EBF1: variants seen among roughly 807,000 people sequenced by gnomAD.
EBF1 encodes the protein EBF transcription factor 1.
In EBF1, 10 loss-of-function variants were observed where a neutral mutation model predicts 68.4. The observed-to-expected ratio is 0.15, with a 90% CI of 0.09 to 0.25. EBF1 has a LOEUF of 0.25. Ranked by LOEUF, EBF1 falls within the 10% of genes least tolerant of loss-of-function variation. The pLI, the probability that EBF1 is intolerant of heterozygous loss-of-function variation, is 1.00. For synonymous variants in EBF1, 298 were observed against 299.8 expected (o/e 0.99, Z 0.06); for missense variants, 509 against 794.4 (o/e 0.64, Z 4.32).
chr5:158,831,500 G>A (rs1474210197), intron 7 of EBF1, among the ~76,000 whole-genome samples: 1 of 152,114 alleles, frequency 6.6e-6, no homozygotes, highest in Non-Finnish European at 1.5e-5. Context: ...TGGGGACAGA[G>A]AGAGAGTCAG....
rs184056452 is a variant in EBF1 at position 158,856,891 on chromosome 5, C to A, written c.555-16781G>T. On this transcript the variant is annotated intron_variant, in intron 6 of 15. Transcript: ENST00000313708. ...TACCACTGTAGGGTACAGCAATATG[C>A]CTGCACTGGCAGCTACCATATTTCC... Among the ~76,000 whole-genome samples, 42 of 152,290 alleles carry A rather than the reference C, an allele frequency of 2.8e-4. 2 individuals are homozygous for A. Among genetic ancestry groups the A allele is most frequent in the Admixed American group, 2.7e-3 (41 of 15,302 alleles).
intron 6 of EBF1, among the ~76,000 whole-genome samples, chr5:158,901,128 T>G (rs1562254818): frequency 6.6e-6 from 1 of 152,242 alleles, no homozygotes; most frequent in Non-Finnish European, 1.5e-5. Flanking sequence ...ATCTTCCTTG[T>G]TAACTTCTAC....
At chr5:159,094,185 A>AC (rs1782161395) in intron 4 of EBF1, among the ~76,000 whole-genome samples, 1 of 147,240 alleles carries the variant, frequency 6.8e-6, no homozygotes, top group Non-Finnish European at 1.5e-5. Flanking sequence ...AAAAAAAAAA[A>AC]AAAAAAAAAC....
At chr5:158,748,623 T>C (rs1768104561) in intron 10 of EBF1, among the ~76,000 whole-genome samples, 2 of 152,144 alleles carry the variant, frequency 1.3e-5, no homozygotes, top group African/African-American at 4.8e-5. Flanking sequence ...AGCAGGAATA[T>C]GGAAGGGACA....
chr5:158,976,585 G>A (rs1756809426), intron 6 of EBF1, among the ~76,000 whole-genome samples: 1 of 152,166 alleles, frequency 6.6e-6, no homozygotes, highest in Non-Finnish European at 1.5e-5. Flanking sequence ...CTGATGCTGG[G>A]ACTGCTAAGG....
At chr5:159,000,919 T>C (rs1762406390) in intron 6 of EBF1, among the ~76,000 whole-genome samples, 1 of 152,168 alleles carries the variant, frequency 6.6e-6, no homozygotes, top group Admixed American at 6.5e-5. Context: ...CACAACTAAC[T>C]TTTGAGAAAC....
chr5:158,781,163 T>G (rs551950553), intron 9 of EBF1, among the ~76,000 whole-genome samples: 1 of 152,210 alleles, frequency 6.6e-6, no homozygotes, highest in South Asian at 2.1e-4. Flanking sequence ...GTGGTTTATG[T>G]ATTTCAGATG....
intron 6 of EBF1, among the ~76,000 whole-genome samples, chr5:158,919,996 G>A (rs1280056712): frequency 6.6e-6 from 1 of 152,098 alleles, no homozygotes; most frequent in Non-Finnish European, 1.5e-5. Flanking sequence ...TCTGAAAACT[G>A]TCTATAAATT....
chr5:158,965,468 A>C (rs1391111879), intron 6 of EBF1, among the ~76,000 whole-genome samples: 2 of 152,338 alleles, frequency 1.3e-5, no homozygotes, highest in African/African-American at 4.8e-5. Flanking sequence ...AAGCTTTAAC[A>C]GAGAGTAGAG....
chr5:158,759,010 TATAA>T (rs1294545709), intron 10 of EBF1, among the ~76,000 whole-genome samples: 1 of 152,220 alleles, frequency 6.6e-6, no homozygotes, highest in Non-Finnish European at 1.5e-5. Context: ...CTAAAACGCT[TATAA>T]ATATTCTCTT....
At chr5:158,811,800 TTCTCAAAAATGGA>T (rs1250851432) in intron 8 of EBF1, among the ~76,000 whole-genome samples, 1 of 152,154 alleles carries the variant, frequency 6.6e-6, no homozygotes. Context: ...CAAGTTTAGT[TTCTCAAAAATGGA>T]TCTCAGACCT....
At chr5:158,760,544 C>T (rs1016941015) in intron 10 of EBF1, among the ~76,000 whole-genome samples, 1 of 152,064 alleles carries the variant, frequency 6.6e-6, no homozygotes, top group Non-Finnish European at 1.5e-5. Context: ...GATTTCTGAG[C>T]TATTTATTTA....
chr5:158,742,599 G>T (rs1464856897), intron 10 of EBF1, among the ~76,000 whole-genome samples: 2 of 152,166 alleles, frequency 1.3e-5, no homozygotes, highest in Admixed American at 1.3e-4. Context: ...AGTCTAGAGG[G>T]GCAGAAAGAC....
intron 6 of EBF1, among the ~76,000 whole-genome samples, chr5:158,935,554 A>T (rs928565631): frequency 2.6e-5 from 4 of 152,230 alleles, no homozygotes; most frequent in Admixed American, 6.5e-5. Context: ...TAGAAAACAT[A>T]TGCAGAAGAA....
intron 8 of EBF1, among the ~76,000 whole-genome samples, chr5:158,803,303 C>T (rs146565406): frequency 3.3e-5 from 5 of 151,300 alleles, no homozygotes; most frequent in East Asian, 3.9e-4. Context: ...TTGGACTCAG[C>T]GCACAGATAT....
intron 6 of EBF1, among the ~76,000 whole-genome samples, chr5:158,874,670 C>T (rs927113656): frequency 1.8e-4 from 28 of 152,088 alleles, no homozygotes; most frequent in African/African-American, 6.5e-4. Flanking sequence ...AGAGCTAAAT[C>T]ATCTCAGCCA....
At chr5:158,790,999 G>A (rs890316004) in intron 9 of EBF1, among the ~76,000 whole-genome samples, 1 of 152,156 alleles carries the variant, frequency 6.6e-6, no homozygotes, top group Non-Finnish European at 1.5e-5. Flanking sequence ...TCTGACTGTG[G>A]GAGGATTCTC....
chr5:158,812,728 C>T (rs1782918711), intron 8 of EBF1, among the ~76,000 whole-genome samples: 1 of 152,090 alleles, frequency 6.6e-6, no homozygotes. Context: ...CAATGTCAGC[C>T]TTGCTCAGTG....
intron 6 of EBF1, among the ~76,000 whole-genome samples, chr5:159,015,566 C>T (rs1561798220): frequency 1.3e-5 from 2 of 152,196 alleles, no homozygotes; most frequent in Admixed American, 6.5e-5. Flanking sequence ...GGATGCCTGT[C>T]TGCTGCCACC....
Sources: gnomAD v4.1 joint callset for allele counts (sites outside exome capture counted in the v4.1 genomes callset) on GRCh38, gnomAD v4.1.1 for gene constraint, MANE v1.5 for transcripts, NCBI Gene and HGNC (gene_info 2026-07-23, HGNC 2026-07-21) for gene names.